Variants in ACHE observed in about 807,000 individuals in gnomAD.
ACHE encodes acetylcholinesterase.
A neutral mutation model predicts 53.9 loss-of-function variants in ACHE; 19 were observed. That is an observed-to-expected ratio of 0.35 (90% CI 0.25 to 0.52). ACHE has a LOEUF of 0.52. Among genes scored for constraint, ACHE ranks in the 20% least tolerant of loss-of-function variants. ACHE has a pLI of 0.95. For missense variants in ACHE, 605 were observed against 849.4 expected (o/e 0.71, Z 3.58); for synonymous variants, 392 against 378.1 (o/e 1.04, Z -0.43).
At chr7:100,894,319 CA>C in intron 1 of ACHE, 67 bp from the exon 2 acceptor site, 1 of 1,172,874 alleles carries the variant, frequency 8.5e-7, no homozygotes. Context: ...GAGATTAGGG[CA>C]CTGTCGGCCC....
Position 100,892,293 on chromosome 7 carries a change from C to T in ACHE, c.1553+41G>A, listed in dbSNP as rs760291349. On this transcript the variant is annotated intron_variant, in intron 3 of 4. Transcript: ENST00000241069. This position sits in a 1 kb window ranked among gnomAD's most constrained non-coding sequence, Gnocchi z 5.2. ...CCTTTGTGTGTCCTCCCGCCCCCGA[C>T]TCCTGTCCTCCCCAGCCTTCTCTCC... 1.4e-5 allele frequency: 21 copies of T among 1,480,262 alleles called. 1 individual carries two copies. The African/African-American group carries it at 2.8e-4, about 20-fold the overall frequency. The allele number at this position is 1,480,262 out of a possible 1,614,324, so 91.7% of individuals were successfully genotyped here.
chr7:100,894,292 G>C, intron 1 of ACHE, 40 bp from the exon 2 acceptor site: 1 of 1,347,190 alleles, frequency 7.4e-7, no homozygotes, highest in Non-Finnish European at 9.7e-7. Flanking sequence ...AGGGTCGGTC[G>C]AGAAGCCAGG....
Position 100,892,312 on chromosome 7 carries a change from T to C in ACHE, c.1553+22A>G. 1.3e-6 allele frequency: 2 copies of C among 1,489,314 alleles called. No individual in the cohort carries two copies. Among genetic ancestry groups the C allele is most frequent in the African/African-American group, 1.4e-5 (1 of 71,242 alleles). The allele number at this position is 1,489,314 out of a possible 1,614,324, so 92.3% of individuals were successfully genotyped here. A position where few individuals can be genotyped will look rare whatever the true frequency, so the allele number is the denominator to read the frequency against. On this transcript the variant is annotated intron_variant, in intron 3 of 4. Coordinates refer to ENST00000241069, the MANE Select transcript of ACHE (RefSeq NM_000665.5). This position sits in a 1 kb window ranked among gnomAD's most constrained non-coding sequence, Gnocchi z 5.2. ...CCCCGACTCCTGTCCTCCCCAGCCT[T>C]CTCTCCCTCTGCACTGCTGACCCTG...
chr7:100,893,407 G>T lies in ACHE; in HGVS notation c.826C>A (p.Arg276Ser). ...TGGGCCAGCTGCGTGGCCCTGCGAC[G>T]GGCCTCTCCCATGCCCACCGTGGCC... ...PWATVGMGEARRRATQLAHLV... is the reference protein window; with the variant it reads ...PWATVGMGEASRRATQLAHLV... Residue 276 changes from arginine (R) to serine (S), a missense_variant, in exon 2 of 5, where the codon CGT becomes AGT. Arg to Ser is a moderately radical substitution (Grantham distance 110, BLOSUM62 -1). Coordinates refer to ENST00000241069, the MANE Select transcript of ACHE (RefSeq NM_000665.5). The T allele has an allele frequency of 1.2e-6, 2 of 1,611,834 alleles. No individual in the cohort carries two copies. The highest frequency in any genetic ancestry group is 1.7e-6 in the Non-Finnish European group (2 of 1,179,760).
chr7:100,894,614 A>AG (rs61066039), intron 1 of ACHE, among the ~76,000 whole-genome samples: 152,123 of 152,138 alleles, frequency 1, 76,054 homozygotes, highest in Middle Eastern at 1. Flanking sequence ...GCCACCCGAC[A>AG]GGGCGCGGCC....
Position 100,891,354 on chromosome 7 carries a change from A to C in ACHE, c.1554-16T>G, listed in dbSNP as rs752346276. 5 of 1,529,700 alleles carry C rather than the reference A, an allele frequency of 3.3e-6. No homozygotes were observed. The highest frequency in any genetic ancestry group is 4.4e-6 in the Non-Finnish European group (5 of 1,143,408). The allele number at this position is 1,529,700 out of a possible 1,614,324, so 94.8% of individuals were successfully genotyped here. A position where few individuals can be genotyped will look rare whatever the true frequency, so the allele number is the denominator to read the frequency against. Reference sequence around the variant, plus strand: ...ATTGGGATCCCTGCGGAAGGAAGGGAAGGCTCAGTCCAGACGGGCAGTGGG... The same window carrying C: ...ATTGGGATCCCTGCGGAAGGAAGGGCAGGCTCAGTCCAGACGGGCAGTGGG... On this transcript the variant is annotated splice_polypyrimidine_tract_variant and intron_variant, in intron 3 of 4. Transcript: ENST00000241069.
At chr7:100,896,661 T>C, upstream of ACHE, 1 of 302,454 alleles carries the variant, frequency 3.3e-6, no homozygotes. Context: ...CTGTGCTGGT[T>C]CCCTGACGGG....
At position 100,894,077 on chromosome 7, in the gene ACHE, G is replaced by A. The variant is rs1371062077; in HGVS notation, c.156C>T (p.Arg52=). The change falls in exon 2 of 5, where the codon CGC becomes CGT. Residue 52 remains arginine, a synonymous_variant. Transcript: ENST00000241069. ...AGACAGGGCCCCCGGGGGTCTTCAG[G>A]CGAATGCCCCGCAGCCGGCCCCCAC... The part of the protein sequence containing the change: ...TVRGGRLRGI[R]LKTPGGPVSA... 4 of 1,548,304 alleles carry A rather than the reference G, an allele frequency of 2.6e-6. No individual in the cohort carries two copies. The highest frequency in any genetic ancestry group is 3.5e-6 in the Non-Finnish European group (4 of 1,148,106).
Position 100,892,207 on chromosome 7 carries a change from C to T in ACHE, c.1553+127G>A, listed in dbSNP as rs1359461446. The stretch of plus-strand genomic sequence containing the variant: ...CCTTTTATCTACTTTGTGAGCATAT[C>T]CCTCTCTGGCTGTTCTATCCTGCCC... On this transcript the variant is annotated intron_variant, in intron 3 of 4. Coordinates refer to ENST00000241069, the MANE Select transcript of ACHE (RefSeq NM_000665.5). This position sits in a 1 kb window ranked among gnomAD's most constrained non-coding sequence, Gnocchi z 5.2. 7.5e-6 allele frequency: 9 copies of T among 1,197,788 alleles called. No individual in the cohort carries two copies. The highest frequency in any genetic ancestry group is 3.0e-4 in the Middle Eastern group (1 of 3,362). The allele number at this position is 1,197,788 out of a possible 1,614,324, so 74.2% of individuals were successfully genotyped here. A position where few individuals can be genotyped will look rare whatever the true frequency, so the allele number is the denominator to read the frequency against.
Position 100,891,268 on chromosome 7 carries a change from C to T in ACHE, c.1624G>A (p.Val542Ile), listed in dbSNP as rs1485337852. ...PPYTAGAQQYVSLDLRPLEVR... is the reference protein window; with the variant it reads ...PPYTAGAQQYISLDLRPLEVR... The stretch of plus-strand genomic sequence containing the variant: ...TCCAGCGGCCGCAGGTCCAGACTAA[C>T]GTACTGCTGAGCCCCCGCCGTGTAC... Residue 542 changes from valine (V) to isoleucine (I), a missense_variant, in exon 4 of 5, where the codon GTT becomes ATT. Around this residue, in one of 4 missense-constraint regions of ACHE, gnomAD observed 91 missense variants for 83.2 expected, o/e 1.09. Transcript: ENST00000241069. 8 of 1,610,458 alleles carry T rather than the reference C, an allele frequency of 5.0e-6. No homozygotes were observed. Among genetic ancestry groups the T allele is most frequent in the Admixed American group, 1.7e-5 (1 of 59,894 alleles).
chr7:100,894,500 C>A (rs1276394466), intron 1 of ACHE: 2 of 354,958 alleles, frequency 5.6e-6, no homozygotes, highest in African/African-American at 4.2e-5. Context: ...CAGAGAGGAG[C>A]ACCCTCTCTG....
chr7:100,891,170 G>A lies in ACHE; in HGVS notation c.1722C>T (p.Thr574=), dbSNP rs779839348. 5.0e-6 allele frequency: 8 copies of A among 1,602,744 alleles called. No homozygotes were observed. The highest frequency in any genetic ancestry group is 6.8e-6 in the Non-Finnish European group (8 of 1,175,568). Reference sequence around the variant, plus strand: ...CGCTGCCCGCTGGCCCCTGCATACCGGTGGCGCTGAGCAATTTGGGGAGGA... The same window carrying A: ...CGCTGCCCGCTGGCCCCTGCATACCAGTGGCGCTGAGCAATTTGGGGAGGA... ...NRFLPKLLSA[T]DTLDEAERQW... The change falls in exon 4 of 5, where the codon ACC becomes ACT. Residue 574 remains threonine, a splice_region_variant and synonymous_variant. Transcript: ENST00000241069.
Position 100,893,574 on chromosome 7 carries a change from G to C in ACHE, c.659C>G (p.Ala220Gly). The change falls in exon 2 of 5, where the codon GCC becomes GGC. Residue 220 changes from alanine (A) to glycine (G), a missense_variant. Ala to Gly is a moderately conservative substitution (Grantham distance 60). This residue lies in a region of ACHE where 397 missense variants were observed against 632.5 expected (regional missense o/e 0.63). Transcript: ENST00000241069. ...CACTGATGTCGGGTCACCCCCGAAG[G>C]CTGCCACGTTCTCCTGCACCCACTG... ...ALQWVQENVA[A>G]FGGDPTSVTL... 1 of 1,612,126 alleles carries C rather than the reference G, an allele frequency of 6.2e-7. No homozygotes were observed. Among genetic ancestry groups the C allele is most frequent in the South Asian group, 1.1e-5 (1 of 91,080 alleles).
Position 100,891,217 on chromosome 7 carries a change from C to G in ACHE, c.1675G>C (p.Ala559Pro), listed in dbSNP as rs1410545672. Residue 559 changes from alanine (A) to proline (P), a missense_variant, in exon 4 of 5, where the codon GCC becomes CCC. Around this residue, in one of 4 missense-constraint regions of ACHE, gnomAD observed 91 missense variants for 83.2 expected, o/e 1.09. Transcript: ENST00000241069. Reference protein sequence around the residue: ...LEVRRGLRAQACAFWNRFLPK... With the variant: ...LEVRRGLRAQPCAFWNRFLPK... ...AGGAAGCGGTTCCAGAAGGCGCAGGCCTGGGCGCGCAGCCCCCGCCGCACC... is the reference window on the plus strand; with the variant it reads ...AGGAAGCGGTTCCAGAAGGCGCAGGGCTGGGCGCGCAGCCCCCGCCGCACC... 1 of 1,609,350 alleles carries G rather than the reference C, an allele frequency of 6.2e-7. No homozygotes were observed. Among genetic ancestry groups the G allele is most frequent in the South Asian group, 1.1e-5 (1 of 90,802 alleles).
At position 100,891,298 on chromosome 7, in the gene ACHE, G is replaced by T; in HGVS notation, c.1594C>A (p.Pro532Thr). 6.3e-7 allele frequency: 1 copy of T among 1,598,310 alleles called. No homozygotes were observed. Residue 532 changes from proline (P) to threonine (T), a missense_variant, in exon 4 of 5, where the codon CCC (proline) becomes ACC (threonine). Coordinates refer to ENST00000241069, the MANE Select transcript of ACHE (RefSeq NM_000665.5). ...TGCTGAGCCCCCGCCGTGTACGGGG[G>T]CCATTGTGGGGCCTTGGGGTCTCGG... ...EPRDPKAPQWPPYTAGAQQYV... is the reference protein window; with the variant it reads ...EPRDPKAPQWTPYTAGAQQYV...
chr7:100,894,238 C>T lies in ACHE; in HGVS notation c.-6G>A. On this transcript the variant is annotated 5_prime_UTR_variant, in exon 2 of 5. Transcript: ENST00000241069. ...AGACACTGCGGGGGCCTCATGGCTG[C>T]AGGGCAGGCGGCGTCTGCTGGGAGA... is the stretch of plus-strand genomic sequence containing the variant. 7.0e-7 allele frequency: 1 copy of T among 1,431,484 alleles called. No homozygotes were observed. Among genetic ancestry groups the T allele is most frequent in the Non-Finnish European group, 9.1e-7 (1 of 1,096,912 alleles). The allele number at this position is 1,431,484 out of a possible 1,614,324, so 88.7% of individuals were successfully genotyped here.
At chr7:100,895,424 T>TGCGCAGGGGCGCTG (rs1554444765) in intron 1 of ACHE, among the ~76,000 whole-genome samples, 1 of 152,130 alleles carries the variant, frequency 6.6e-6, no homozygotes, top group Non-Finnish European at 1.5e-5. Context: ...GCAGGGGCGC[T>TGCGCAGGGGCGCTG]GGCTTGTGGC....
At position 100,890,117 on chromosome 7, in the gene ACHE, G is replaced by C. The variant is rs2067666705; in HGVS notation, c.*97C>G. 3 of 1,490,770 alleles carry C rather than the reference G, an allele frequency of 2.0e-6. No homozygotes were observed. The highest frequency in any genetic ancestry group is 2.7e-6 in the Non-Finnish European group (3 of 1,101,808). 92.3% of individuals were successfully genotyped at this position (1,490,770 alleles called of 1,614,324 possible). A position where few individuals can be genotyped will look rare whatever the true frequency, so the allele number is the denominator to read the frequency against. ...TCGGGGTGGGGTGGGGATGGGCAGA[G>C]TCTGGGGCTCGTCTGTGTTATAGCC... On this transcript the variant is annotated 3_prime_UTR_variant, in exon 5 of 5. Coordinates refer to ENST00000241069, the MANE Select transcript of ACHE (RefSeq NM_000665.5).
At chr7:100,895,118 T>A (rs996648710) in intron 1 of ACHE, among the ~76,000 whole-genome samples, 3 of 152,042 alleles carry the variant, frequency 2.0e-5, no homozygotes, top group Admixed American at 6.5e-5. Flanking sequence ...GATCCCCGGC[T>A]GCAGGGGCGG....
Sources: gnomAD v4.1 joint callset for allele counts (sites outside exome capture counted in the v4.1 genomes callset) on GRCh38, gnomAD v4.1.1 for gene constraint, gnomAD v4.1.1 regional missense constraint, Gnocchi (gnomAD v3.1) non-coding constraint, MANE v1.5 for transcripts, NCBI Gene and HGNC (gene_info 2026-07-23, HGNC 2026-07-21) for gene names.